The following AKT1 variants were observed in gnomAD, a reference collection of about 807,000 sequenced individuals.
AKT1 encodes the protein RAC-alpha serine/threonine-protein kinase.
Under a neutral mutation model 63.1 loss-of-function variants are expected in AKT1, and 21 were observed. The observed-to-expected ratio is 0.33, with a 90% CI of 0.24 to 0.48. The LOEUF (loss-of-function observed/expected upper bound fraction) is 0.48. Ranked by LOEUF, AKT1 falls within the 20% of genes least tolerant of loss-of-function variation. AKT1 has a pLI of 0.99. For missense variants in AKT1, 382 were observed against 666.0 expected, an observed-to-expected ratio of 0.57 and a Z score of 4.69; for synonymous variants, 257 against 253.1, an observed-to-expected ratio of 1.02 and a Z score of -0.15.
chr14:104,788,067 G>C (rs1181458202), intron 3 of AKT1, among the ~76,000 whole-genome samples: 1 of 152,144 alleles, frequency 6.6e-6, no homozygotes, highest in African/African-American at 2.4e-5. Context: ...CTCCCACCAG[G>C]AGCCAGCACA....
chr14:104,792,843 G>T (rs1893699449), intron 2 of AKT1, 121 bp from the exon 3 acceptor site: 2 of 642,226 alleles, frequency 3.1e-6, no homozygotes, highest in Non-Finnish European at 5.6e-6. Flanking sequence ...TGCCTTCCCA[G>T]GTGGGCTGCC....
chr14:104,786,589 AG>A (rs1893344867), intron 3 of AKT1, among the ~76,000 whole-genome samples: 1 of 152,184 alleles, frequency 6.6e-6, no homozygotes, highest in African/African-American at 2.4e-5. Context: ...ACCAGGCAGT[AG>A]GGACCTCGTC....
chr14:104,775,851 CCCA>C, intron 5 of AKT1, 52 bp from the exon 6 acceptor site: 2 of 1,582,656 alleles, frequency 1.3e-6, no homozygotes, highest in Non-Finnish European at 1.7e-6. Flanking sequence ...GGAGCTCCAC[CCCA>C]CGTCTTTCAC....
chr14:104,770,319 TC>T lies in AKT1; in HGVS notation c.*21del. 1 of 1,601,748 alleles carries T rather than the reference TC, an allele frequency of 6.2e-7. No homozygotes were observed. On this transcript the variant is annotated 3_prime_UTR_variant, in exon 15 of 15. Coordinates refer to ENST00000649815, the MANE Select transcript of AKT1 (RefSeq NM_001382430.1). ...GCCTCTCCATCCCTCCAAGCTATCGTCCAGCGCAGTCCACCGCCGCCTCAGG... is the reference window on the plus strand; with the variant it reads ...GCCTCTCCATCCCTCCAAGCTATCGTCAGCGCAGTCCACCGCCGCCTCAGG...
rs1221539515 is a variant in AKT1 at position 104,770,365 on chromosome 14, G to C, written c.1419C>G (p.Ser473=). 8 of 1,612,668 alleles carry C rather than the reference G, an allele frequency of 5.0e-6. No individual in the cohort carries two copies. Among genetic ancestry groups the C allele is most frequent in the Non-Finnish European group, 6.8e-6 (8 of 1,179,938 alleles). ...SERRPHFPQF[S]YSASGTA Reference sequence around the variant, plus strand: ...CTCAGGCCGTGCCGCTGGCCGAGTAGGAGAACTGGGGGAAGTGGGGCCTGC... The same window carrying C: ...CTCAGGCCGTGCCGCTGGCCGAGTACGAGAACTGGGGGAAGTGGGGCCTGC... Residue 473 remains serine, a synonymous_variant, in exon 15 of 15, where the codon TCC becomes TCG. Coordinates refer to ENST00000649815, the MANE Select transcript of AKT1 (RefSeq NM_001382430.1).
At chr14:104,770,611 T>A in intron 14 of AKT1, 134 bp downstream of exon 14, 1 of 971,784 alleles carries the variant, frequency 1.0e-6, no homozygotes, top group Non-Finnish European at 1.5e-6. Flanking sequence ...ACCCTGATCA[T>A]TGGCACTCTC....
intron 8 of AKT1, 128 bp from the exon 9 acceptor site, chr14:104,774,108 C>T: frequency 2.4e-6 from 2 of 823,218 alleles, no homozygotes; most frequent in Non-Finnish European, 4.0e-6. Context: ...CCACACCACA[C>T]TGCCCGACAC....
intron 3 of AKT1, among the ~76,000 whole-genome samples, chr14:104,786,684 C>T (rs765426173): frequency 6.6e-6 from 1 of 152,218 alleles, no homozygotes; most frequent in Non-Finnish European, 1.5e-5. Flanking sequence ...CTTGGAGCCA[C>T]GCCTGGGGCA....
At chr14:104,782,317 T>C (rs2140964783) in intron 3 of AKT1, among the ~76,000 whole-genome samples, 1 of 152,266 alleles carries the variant, frequency 6.6e-6, no homozygotes, top group Admixed American at 6.5e-5. Flanking sequence ...GCGGGAAGAC[T>C]GATGAGCGCC....
In AKT1 at chr14:104,773,964, A is replaced by C; in HGVS notation, c.650T>G (p.Phe217Cys). ...HPFLTALKYSFQTHDRLCFVM... is the reference protein window; with the variant it reads ...HPFLTALKYSCQTHDRLCFVM... ...AAAGCAGAGGCGGTCGTGGGTCTGG[A>C]AAGAGTACTTCAGGGCCTGCAAGGA... Residue 217 changes from phenylalanine to cysteine, a missense_variant, in exon 9 of 15, where the codon TTC (phenylalanine) becomes TGC (cysteine). Phe to Cys is a radical substitution (Grantham distance 205). Coordinates refer to ENST00000649815, the MANE Select transcript of AKT1 (RefSeq NM_001382430.1). 1.2e-6 allele frequency: 2 copies of C among 1,612,428 alleles called. No individual in the cohort carries two copies.
At position 104,772,898 on chromosome 14, in the gene AKT1, G is replaced by C. The variant is rs1401951760; in HGVS notation, c.1152C>G (p.Leu384=). ...PEAKSLLSGL[L]KKDPKQRLGG... is the part of the protein sequence containing the mutation. ...CTCACCTCTGCTTGGGGTCCTTCTT[G>C]AGCAGCCCTGAAAGCAAGGACTTGG... Residue 384 remains leucine, a synonymous_variant, in exon 12 of 15, where the codon CTC becomes CTG. Transcript: ENST00000649815. 1.2e-6 allele frequency: 2 copies of C among 1,611,902 alleles called. No homozygotes were observed. The highest frequency in any genetic ancestry group is 1.3e-5 in the African/African-American group (1 of 74,902).
At chr14:104,772,084 C>T (rs896176142) in intron 13 of AKT1, 1 of 547,196 alleles carries the variant, frequency 1.8e-6, no homozygotes, top group African/African-American at 1.9e-5. Context: ...CAGAGTGTGA[C>T]ACACCTCCGA....
intron 3 of AKT1, among the ~76,000 whole-genome samples, chr14:104,791,642 G>A (rs539177037): frequency 6.6e-6 from 1 of 152,276 alleles, no homozygotes; most frequent in Admixed American, 6.5e-5. Context: ...GCCCCATCTT[G>A]TGACACCTAC....
At chr14:104,774,206 C>G (rs1435554462) in intron 8 of AKT1, 9 of 565,552 alleles carry the variant, frequency 1.6e-5, no homozygotes, top group Non-Finnish European at 2.3e-5. Context: ...ACCCCCACAT[C>G]ACACTGCCCC....
chr14:104,793,443 G>A (rs771732248), intron 1 of AKT1, 139 bp from the exon 2 acceptor site: 12 of 202,852 alleles, frequency 5.9e-5, no homozygotes, highest in Admixed American at 2.4e-4. Context: ...AAACCACAGC[G>A]CCCCTGCCGG....
intron 14 of AKT1, 48 bp downstream of exon 14, chr14:104,770,697 A>T (rs962641587): frequency 3.3e-6 from 5 of 1,508,390 alleles, no homozygotes; most frequent in Admixed American, 1.7e-5. Flanking sequence ...GGCCTCTCTG[A>T]GTGTGGAGAG....
chr14:104,775,240 C>T lies in AKT1; in HGVS notation c.436-33G>A, dbSNP rs748068160. 7.4e-6 allele frequency: 12 copies of T among 1,611,240 alleles called. No individual in the cohort carries two copies. The African/African-American group carries it at 1.6e-4, about 22-fold the overall frequency. ...CAGGCACCAGGGTCAGCAAGCGGCG[C>T]TGCCAACAGTGCCCAGCTGGTCGGC... On this transcript the variant is annotated intron_variant, in intron 6 of 14. Transcript: ENST00000649815.
At chr14:104,774,800 G>T in intron 8 of AKT1, 138 bp downstream of exon 8, 1 of 950,748 alleles carries the variant, frequency 1.1e-6, no homozygotes, top group Non-Finnish European at 1.5e-6. Flanking sequence ...TCCAGGGCAG[G>T]CCTGTCTCAC....
At chr14:104,790,900 A>G (rs1257494605) in intron 3 of AKT1, among the ~76,000 whole-genome samples, 1 of 152,110 alleles carries the variant, frequency 6.6e-6, no homozygotes, top group African/African-American at 2.4e-5. Context: ...GAGCTCAATG[A>G]CCTTGCTCTT....
Sources: allele counts gnomAD v4.1 joint callset (sites outside exome capture counted in the v4.1 genomes callset), GRCh38; gene constraint gnomAD v4.1.1; transcripts MANE v1.5; gene names NCBI Gene and HGNC (gene_info 2026-07-23, HGNC 2026-07-21).